The following MEMO1 variants were observed in gnomAD, a reference collection of about 807,000 sequenced individuals.
The protein encoded by MEMO1 is protein MEMO1.
In MEMO1, 6 loss-of-function variants were observed where a neutral mutation model predicts 45.2. The observed-to-expected ratio is 0.13, with a 90% confidence interval of 0.07 to 0.26. The LOEUF is 0.26. Among genes scored for constraint, MEMO1 ranks in the 10% least tolerant of loss-of-function variants. The pLI is 1.00. For synonymous variants in MEMO1, 78 were observed against 124.3 expected (o/e 0.63, Z 2.48); for missense variants, 184 against 370.5 (o/e 0.50, Z 4.13).
intron 2 of MEMO1, among the ~76,000 whole-genome samples, chr2:32,000,159 C>G (rs936635854): frequency 1.3e-5 from 2 of 149,174 alleles, no homozygotes; most frequent in African/African-American, 4.9e-5. Flanking sequence ...GTGCTGGGAT[C>G]ACAGACCTGA....
chr2:31,964,011 C>T (rs1040403199), intron 2 of MEMO1, among the ~76,000 whole-genome samples: 6 of 152,078 alleles, frequency 3.9e-5, no homozygotes, highest in Non-Finnish European at 8.8e-5. Context: ...ATTATTCAAA[C>T]CAATTTTACC....
chr2:31,951,171 C>G (rs573681307), intron 2 of MEMO1, among the ~76,000 whole-genome samples: 44 of 152,284 alleles, frequency 2.9e-4, no homozygotes, highest in Admixed American at 1.6e-3. Context: ...ACTGAAACAT[C>G]AAAGGGGTGA....
chr2:31,963,326 A>T, intron 2 of MEMO1: 1 of 1,413,312 alleles, frequency 7.1e-7, no homozygotes, highest in Non-Finnish European at 9.4e-7. Context: ...ATACAAATAT[A>T]GTTATAAAGG....
chr2:31,945,502 C>A (rs1302418807), intron 2 of MEMO1, among the ~76,000 whole-genome samples: 2 of 152,106 alleles, frequency 1.3e-5, no homozygotes, highest in Admixed American at 1.3e-4. Context: ...AAATAAGAGG[C>A]CTAATTCTAC....
intron 2 of MEMO1, among the ~76,000 whole-genome samples, chr2:31,951,675 G>A (rs927430253): frequency 3.3e-5 from 5 of 152,048 alleles, no homozygotes; most frequent in Non-Finnish European, 5.9e-5. Flanking sequence ...TGGGATTATA[G>A]GTGCCTGCCA....
chr2:31,964,057 AAAATTC>A (rs1668324504), intron 2 of MEMO1, among the ~76,000 whole-genome samples: 1 of 152,222 alleles, frequency 6.6e-6, no homozygotes, highest in African/African-American at 2.4e-5. Flanking sequence ...TATATATGGA[AAAATTC>A]AAATTATATA....
At position 31,871,516 on chromosome 2, in the gene MEMO1, CACATAT is replaced by C. The variant is rs757395839; in HGVS notation, c.658-1570_658-1565del. 4.9e-3 allele frequency among the ~76,000 whole-genome samples: 744 copies of C among 151,230 alleles called. 2 individuals are homozygous for C. Among genetic ancestry groups the C allele is most frequent in the African/African-American group, 0.017 (694 of 41,252 alleles). On this transcript the variant is annotated intron_variant, in intron 8 of 9. Coordinates refer to ENST00000404530, the MANE Select transcript of MEMO1 (RefSeq NM_001301833.4). ...CCATATATACACACACACACACACA[CACATAT>C]ATATATATCTGAAACATAGACATAT... is the stretch of plus-strand genomic sequence containing the variant.
chr2:31,949,536 A>T (rs1276880797), intron 2 of MEMO1, among the ~76,000 whole-genome samples: 1 of 151,292 alleles, frequency 6.6e-6, no homozygotes, highest in African/African-American at 2.4e-5. Flanking sequence ...TATTTGTGGG[A>T]TCTAAAAAAA....
chr2:31,876,006 C>A (rs1167841618), intron 8 of MEMO1, among the ~76,000 whole-genome samples: 1 of 152,024 alleles, frequency 6.6e-6, no homozygotes, highest in East Asian at 1.9e-4. Flanking sequence ...CTACCTCTGA[C>A]CCTCCTGTGT....
chr2:31,886,333 G>A (rs1198580011), intron 7 of MEMO1, among the ~76,000 whole-genome samples: 1 of 152,086 alleles, frequency 6.6e-6, no homozygotes, highest in Admixed American at 6.5e-5. Flanking sequence ...ATGTATTCTG[G>A]TCAATATACA....
intron 9 of MEMO1, 70 bp downstream of exon 9, chr2:31,869,778 T>A (rs1673398191): frequency 4.8e-6 from 7 of 1,467,344 alleles, no homozygotes; most frequent in Non-Finnish European, 6.4e-6. Context: ...TGCCATTGTA[T>A]CACAATGATA....
At chr2:31,959,037 G>A (rs1264153062) in intron 2 of MEMO1, among the ~76,000 whole-genome samples, 1 of 152,138 alleles carries the variant, frequency 6.6e-6, no homozygotes, top group East Asian at 1.9e-4. Context: ...TTATTAAAAT[G>A]GGCCTAGATG....
intron 5 of MEMO1, among the ~76,000 whole-genome samples, chr2:31,918,493 A>T (rs574514732): frequency 1.3e-5 from 2 of 152,274 alleles, no homozygotes; most frequent in African/African-American, 4.8e-5. Context: ...TCAAAAGCAC[A>T]GTTTCTGAGT....
intron 2 of MEMO1, 24 bp downstream of exon 2, chr2:32,010,163 C>G: frequency 7.9e-7 from 1 of 1,271,866 alleles, no homozygotes; most frequent in Non-Finnish European, 1.0e-6. Flanking sequence ...CGGCGGCGGG[C>G]GGGCCGGCGG....
intron 4 of MEMO1, among the ~76,000 whole-genome samples, chr2:31,928,338 T>C (rs1291854504): frequency 1.3e-5 from 2 of 152,142 alleles, no homozygotes; most frequent in Non-Finnish European, 2.9e-5. Flanking sequence ...TGGTGAGGTG[T>C]TCGAGACCAG....
chr2:31,969,862 C>A (rs1669175162), intron 2 of MEMO1, among the ~76,000 whole-genome samples: 1 of 151,854 alleles, frequency 6.6e-6, no homozygotes, highest in Admixed American at 6.6e-5. Context: ...CCCCAAAATG[C>A]TGGGATTATA....
At position 31,932,151 on chromosome 2, in the gene MEMO1, T is replaced by G; in HGVS notation, c.144-16A>C. The G allele has an allele frequency of 1.2e-6, 2 of 1,605,978 alleles. No individual in the cohort carries two copies. Among genetic ancestry groups the G allele is most frequent in the Non-Finnish European group, 1.7e-6 (2 of 1,174,800 alleles). On this transcript the variant is annotated splice_polypyrimidine_tract_variant and intron_variant, in intron 3 of 9. Coordinates refer to ENST00000404530, the MANE Select transcript of MEMO1 (RefSeq NM_001301833.4). ...TCCTGCATGGCTACAAAACAAAATA[T>G]TTTTAAACTTAATCATCAGATTCAA...
intron 2 of MEMO1, among the ~76,000 whole-genome samples, chr2:31,977,956 T>A (rs1291810088): frequency 6.6e-6 from 1 of 152,154 alleles, no homozygotes; most frequent in East Asian, 1.9e-4. Flanking sequence ...TTATTAAAAC[T>A]TATGCTTTAT....
At chr2:31,901,868 C>T (rs1558489127) in intron 6 of MEMO1, among the ~76,000 whole-genome samples, 1 of 151,574 alleles carries the variant, frequency 6.6e-6, no homozygotes, top group Admixed American at 6.6e-5. Context: ...AAGATTACAC[C>T]ACTGCACTCC....
Sources: allele counts gnomAD v4.1 joint callset (sites outside exome capture counted in the v4.1 genomes callset), GRCh38; gene constraint gnomAD v4.1.1; transcripts MANE v1.5; gene names NCBI Gene and HGNC (gene_info 2026-07-23, HGNC 2026-07-21).